The following UST variants were observed in gnomAD, a reference collection of about 807,000 sequenced individuals.
UST encodes the protein uronyl 2-sulfotransferase.
In UST, 21 loss-of-function variants were observed where a neutral mutation model predicts 45.6. The ratio of observed to expected loss-of-function variants is 0.46; its 90% CI spans 0.33 to 0.66. The LOEUF (loss-of-function observed/expected upper bound fraction) is 0.66, where lower values mean the gene tolerates loss of function less well. UST is among the 30% of genes least tolerant of loss of function. UST has a pLI of 0.02. For synonymous variants in UST, 215 were observed against 200.6 expected, an observed-to-expected ratio of 1.07 and a Z score of -0.61; for missense variants, 463 against 512.4, an observed-to-expected ratio of 0.90 and a Z score of 0.93.
chr6:148,760,146 A>G (rs1295647435), intron 1 of UST, among the ~76,000 whole-genome samples: 1 of 152,248 alleles, frequency 6.6e-6, no homozygotes, highest in East Asian at 1.9e-4. Context: ...AGTCTTAATC[A>G]TAGTTAAATT....
chr6:149,029,221 G>C (rs978569421), intron 7 of UST, among the ~76,000 whole-genome samples: 1 of 151,684 alleles, frequency 6.6e-6, no homozygotes, highest in Non-Finnish European at 1.5e-5. Flanking sequence ...AAAGCCAGTG[G>C]AGACTAGGGG....
Position 149,037,051 on chromosome 6 carries a change from A to G in UST, c.937+15570A>G, listed in dbSNP as rs534900507. 2.0e-5 allele frequency among the ~76,000 whole-genome samples: 3 copies of G among 152,196 alleles called. No homozygotes were observed. In the South Asian group the frequency reaches 6.2e-4, roughly 32 times the overall value. On this transcript the variant is annotated intron_variant, in intron 7 of 7. Coordinates refer to ENST00000367463, the MANE Select transcript of UST (RefSeq NM_005715.3). ...GCTGTTAGGTGTCAGTTTGGGGGAA[A>G]CGTGTTCCCCAGGTTATGCACAGAT...
intron 2 of UST, among the ~76,000 whole-genome samples, chr6:148,890,748 C>T (rs371162946): frequency 2.0e-5 from 3 of 152,300 alleles, no homozygotes; most frequent in African/African-American, 7.2e-5. Flanking sequence ...AACCTCACAG[C>T]TCACCTCGGT....
chr6:148,750,376 C>T (rs1273137206), intron 1 of UST, among the ~76,000 whole-genome samples: 8 of 152,124 alleles, frequency 5.3e-5, no homozygotes, highest in African/African-American at 1.4e-4. Context: ...ATAGTAAAAG[C>T]TAGTATTTAT....
chr6:148,888,653 G>T (rs1778954800), intron 2 of UST, among the ~76,000 whole-genome samples: 1 of 152,166 alleles, frequency 6.6e-6, no homozygotes, highest in South Asian at 2.1e-4. Context: ...ATTAAATCAA[G>T]GGTGGCTGCT....
At chr6:148,866,413 A>G (rs2114808303) in intron 1 of UST, among the ~76,000 whole-genome samples, 1 of 152,214 alleles carries the variant, frequency 6.6e-6, no homozygotes, top group African/African-American at 2.4e-5. Context: ...TGCTGCCCCT[A>G]CCATTGGCTA....
At chr6:148,863,348 C>T (rs1023329316) in intron 1 of UST, among the ~76,000 whole-genome samples, 2 of 152,190 alleles carry the variant, frequency 1.3e-5, no homozygotes, top group African/African-American at 4.8e-5. Flanking sequence ...TCAGCTCCAT[C>T]AGGTTATTTA....
chr6:148,811,339 A>C (rs1471346883), intron 1 of UST, among the ~76,000 whole-genome samples: 1 of 152,198 alleles, frequency 6.6e-6, no homozygotes, highest in Non-Finnish European at 1.5e-5. Context: ...TATGAGGCCT[A>C]AGCTCAAAAC....
intron 5 of UST, among the ~76,000 whole-genome samples, chr6:148,994,910 G>A (rs963883451): frequency 1.3e-5 from 2 of 152,132 alleles, no homozygotes; most frequent in Non-Finnish European, 2.9e-5. Flanking sequence ...AAAACTCAAA[G>A]TGCCTGTTCA....
intron 1 of UST, among the ~76,000 whole-genome samples, chr6:148,819,942 A>T (rs1777424959): frequency 6.6e-6 from 1 of 152,100 alleles, no homozygotes; most frequent in African/African-American, 2.4e-5. Flanking sequence ...TTTTTCCACG[A>T]GCTGCTATTT....
chr6:148,790,539 C>T lies in UST; in HGVS notation c.247+42862C>T, dbSNP rs1398219457. 2.0e-5 allele frequency among the ~76,000 whole-genome samples: 3 copies of T among 152,172 alleles called. No individual in the cohort carries two copies. The highest frequency in any genetic ancestry group is 7.2e-5 in the African/African-American group (3 of 41,446). ...CCACCTTGTGCCTGGTGAATGTCAG[C>T]CCTGCACTGTTAAGGTGCTGTAGCG... On this transcript the variant is annotated intron_variant, in intron 1 of 7. Transcript: ENST00000367463. The surrounding 1 kb of genome is among the most constrained non-coding windows in gnomAD (Gnocchi z 4.2).
intron 1 of UST, among the ~76,000 whole-genome samples, chr6:148,782,386 C>T (rs989371102): frequency 6.6e-6 from 1 of 151,976 alleles, no homozygotes; most frequent in African/African-American, 2.4e-5. Flanking sequence ...AGAAGTGGAA[C>T]CTGAAAATGG....
At chr6:148,917,986 A>G (rs1779621630) in intron 2 of UST, among the ~76,000 whole-genome samples, 2 of 152,190 alleles carry the variant, frequency 1.3e-5, no homozygotes, top group Non-Finnish European at 2.9e-5. Flanking sequence ...CTGTGCATTG[A>G]TAACTGTGGG....
Position 149,073,701 on chromosome 6 carries a change from T to C in UST, c.938-132T>C, listed in dbSNP as rs1247491901. On this transcript the variant is annotated intron_variant, in intron 7 of 7. Transcript: ENST00000367463. ...CAAATATTGTCAGGAACCCTTCTTC[T>C]CTTCTAATACTTGGATATGCAGTTG... 3.8e-6 allele frequency: 4 copies of C among 1,040,756 alleles called. No individual in the cohort carries two copies. In the Admixed American group the frequency reaches 8.0e-5, roughly 21 times the overall value. 64.5% of individuals were successfully genotyped at this position (1,040,756 alleles called of 1,614,324 possible).
intron 5 of UST, among the ~76,000 whole-genome samples, chr6:149,008,221 CAT>C (rs758079841): frequency 3.3e-5 from 5 of 152,194 alleles, no homozygotes; most frequent in Non-Finnish European, 5.9e-5. Flanking sequence ...GACATTTTAA[CAT>C]GTGAAAATGT....
intron 1 of UST, among the ~76,000 whole-genome samples, chr6:148,809,230 CAGT>C (rs1777206729): frequency 6.6e-6 from 1 of 152,170 alleles, no homozygotes; most frequent in African/African-American, 2.4e-5. Flanking sequence ...AAAGAGTAGG[CAGT>C]AGGGACAGAC....
intron 7 of UST, among the ~76,000 whole-genome samples, chr6:149,066,999 C>T (rs918263939): frequency 6.6e-6 from 1 of 151,998 alleles, no homozygotes; most frequent in African/African-American, 2.4e-5. Flanking sequence ...GGAGGTCCAG[C>T]TTTTTTCTAT....
chr6:148,996,339 C>T (rs1363600101), intron 5 of UST, among the ~76,000 whole-genome samples: 2 of 152,202 alleles, frequency 1.3e-5, no homozygotes, highest in Admixed American at 6.5e-5. Flanking sequence ...CTCCCTCAGC[C>T]TCCCAAGTAG....
chr6:148,786,610 T>C (rs1776739802), intron 1 of UST, among the ~76,000 whole-genome samples: 1 of 152,260 alleles, frequency 6.6e-6, no homozygotes, highest in East Asian at 1.9e-4. Flanking sequence ...GGTATGTTTG[T>C]GCCACATTTT....
Sources: allele counts gnomAD v4.1 joint callset (sites outside exome capture counted in the v4.1 genomes callset), GRCh38; gene constraint gnomAD v4.1.1; non-coding constraint Gnocchi (gnomAD v3.1); transcripts MANE v1.5; gene names NCBI Gene and HGNC (gene_info 2026-07-23, HGNC 2026-07-21).